Variants in PSG7 observed in about 807,000 individuals in gnomAD.
The protein encoded by PSG7 is pregnancy-specific beta-1-glycoprotein 7.
A neutral mutation model predicts 45.6 loss-of-function variants in PSG7; 57 were observed. The ratio of observed to expected loss-of-function variants is 1.25; its 90% CI spans 1.01 to 1.56. The LOEUF is 1.56. PSG7 is among the 40% of genes most tolerant of loss of function. The probability of loss-of-function intolerance (pLI) is 0.00; values close to 1 mark genes in which losing one functional copy is unlikely to be tolerated. For missense variants in PSG7, 796 were observed against 508.4 expected (o/e 1.57, Z -5.44); for synonymous variants, 298 against 194.4 (o/e 1.53, Z -4.43).
chr19:42,931,703 G>A (rs1207857740), intron 2 of PSG7, among the ~76,000 whole-genome samples: 1 of 151,430 alleles, frequency 6.6e-6, no homozygotes, highest in Non-Finnish European at 1.5e-5. Context: ...GGAAACAGTT[G>A]TATGTGGCAC....
intron 3 of PSG7, 47 bp from the exon 4 acceptor site, chr19:42,926,763 T>C: frequency 6.2e-7 from 1 of 1,601,338 alleles, no homozygotes; most frequent in East Asian, 2.2e-5. Flanking sequence ...CACCTTTGAT[T>C]CCTCCACAGG....
intron 2 of PSG7, among the ~76,000 whole-genome samples, chr19:42,931,658 A>C (rs1317150391): frequency 1.3e-5 from 2 of 151,368 alleles, no homozygotes; most frequent in African/African-American, 4.9e-5. Flanking sequence ...TCCCCACACG[A>C]AGAACTCCAA....
At position 42,935,784 on chromosome 19, in the gene PSG7, G is replaced by C. The variant is rs1489950690; in HGVS notation, c.65-15C>G. The C allele has an allele frequency of 4.4e-6, 7 of 1,602,552 alleles. No homozygotes were observed. The highest frequency in any genetic ancestry group is 5.1e-6 in the Non-Finnish European group (6 of 1,174,682). On this transcript the variant is annotated splice_polypyrimidine_tract_variant and intron_variant, in intron 1 of 5. Transcript: ENST00000406070. ...TAAAAGTGATGCTAGGAGGTGGAGA[G>C]AGCATCAGTCAATATTGAGACCTAT...
rs189774968 is a variant in PSG7 at position 42,935,652 on chromosome 19, T to G, written c.182A>C (p.Asn61Thr). The change falls in exon 2 of 6, where the codon AAT becomes ACT. Residue 61 changes from asparagine (N) to threonine (T), a missense_variant. By Grantham distance (65) the Asn-to-Thr change is moderately conservative (BLOSUM62 0). Coordinates refer to ENST00000406070, the MANE Select transcript of PSG7 (RefSeq NM_002783.3). Reference protein sequence around the residue: ...VLLLVHNLPQNLTGYIWYKGQ... With the variant: ...VLLLVHNLPQTLTGYIWYKGQ... ...TTTGTACCAGATGTAGCCAGTAAGA[T>G]TCTGGGGCAAATTGTGGACAAGTAG... is the stretch of plus-strand genomic sequence containing the variant. The G allele has an allele frequency of 6.8e-6, 11 of 1,611,956 alleles. No homozygotes were observed. Among genetic ancestry groups the G allele is most frequent in the Non-Finnish European group, 8.5e-6 (10 of 1,179,140 alleles).
chr19:42,935,445 C>T lies in PSG7; in HGVS notation c.389G>A (p.Gly130Glu), dbSNP rs782303349. ...GAAACGTCCAGTTACTCCTCCAGTC[C>T]CATCACCTCGCTTTATGATGTGTAA... Reference protein sequence around the residue: ...YTLHIIKRGDGTGGVTGRFTF... With the variant: ...YTLHIIKRGDETGGVTGRFTF... The change falls in exon 2 of 6, where the codon GGG becomes GAG. Residue 130 changes from glycine (G) to glutamate (E), a missense_variant. Physicochemically the swap from Gly to Glu is moderately conservative, Grantham distance 98 (BLOSUM62 -2). Transcript: ENST00000406070. 1 of 1,612,116 alleles carries T rather than the reference C, an allele frequency of 6.2e-7. No homozygotes were observed. Among genetic ancestry groups the T allele is most frequent in the East Asian group, 2.2e-5 (1 of 44,792 alleles).
chr19:42,933,307 A>ATATATATATATTTTT (rs56691588), intron 2 of PSG7, among the ~76,000 whole-genome samples: 4 of 13,506 alleles, frequency 3.0e-4, no homozygotes, highest in Admixed American at 1.6e-3. Flanking sequence ...ATATATATAT[A>ATATATATATATTTTT]TTTTTTTTTT....
In PSG7 at chr19:42,924,827, A is replaced by G. The variant is rs914599653; in HGVS notation, c.1244-3T>C. On this transcript the variant is annotated splice_region_variant and splice_polypyrimidine_tract_variant and intron_variant, in intron 5 of 5. Transcript: ENST00000406070. The stretch of plus-strand genomic sequence containing the variant: ...TAGAATTCAGGGTAATGTCCAGTCT[A>G]CAGTGGATAATAAAAACACAGAAAC... 6.6e-6 allele frequency: 5 copies of G among 753,672 alleles called. No homozygotes were observed. Among genetic ancestry groups the G allele is most frequent in the African/African-American group, 5.5e-5 (3 of 54,328 alleles). 46.7% of individuals were successfully genotyped at this position (753,672 alleles called of 1,614,324 possible).
At chr19:42,926,301 T>C (rs1205341205) in intron 4 of PSG7, 137 bp downstream of exon 4, 2 of 1,514,686 alleles carry the variant, frequency 1.3e-6, no homozygotes, top group Non-Finnish European at 1.8e-6. Flanking sequence ...CAGGGAGTCA[T>C]GGCCAGCTCG....
In PSG7 at chr19:42,925,826, C is replaced by T. The variant is rs573042386; in HGVS notation, c.1190G>A (p.Arg397His). 5.2e-5 allele frequency: 84 copies of T among 1,612,010 alleles called. No individual in the cohort carries two copies. The highest frequency in any genetic ancestry group is 6.7e-5 in the Admixed American group (4 of 59,870). ...GCTTTCCTTGCCAGTGGCTGAGTTA[C>T]GAACAGAGCAAGCATAGAGCCCGCT... Reference protein sequence around the residue: ...KHSGLYACSVRNSATGKESSK... With the variant: ...KHSGLYACSVHNSATGKESSK... Residue 397 changes from arginine (R) to histidine (H), a missense_variant, in exon 5 of 6, where the codon CGT becomes CAT. Physicochemically the swap from Arg to His is conservative, Grantham distance 29. Transcript: ENST00000406070.
Position 42,927,815 on chromosome 19 carries a change from A to G in PSG7, c.710-1099T>C, listed in dbSNP as rs558934657. ...GGGTGGGCAGTTTCTTTTATGCAAG[A>G]TGGGGAGTTTCTAGAGATCTGCTGT... On this transcript the variant is annotated intron_variant, in intron 3 of 5. Transcript: ENST00000406070. Among the ~76,000 whole-genome samples the G allele has an allele frequency of 1.1e-3, 167 of 151,620 alleles. 2 individuals carry two copies. Among genetic ancestry groups the G allele is most frequent in the Non-Finnish European group, 1.9e-3 (128 of 67,882 alleles).
intron 2 of PSG7, among the ~76,000 whole-genome samples, chr19:42,931,660 G>T (rs1973022633): frequency 6.6e-6 from 1 of 151,336 alleles, no homozygotes; most frequent in Non-Finnish European, 1.5e-5. Flanking sequence ...CCCACACGAA[G>T]AACTCCAACT....
At position 42,929,455 on chromosome 19, in the gene PSG7, G is replaced by A. The variant is rs1600566133; in HGVS notation, c.696C>T (p.Thr232=). 2.5e-6 allele frequency: 4 copies of A among 1,612,438 alleles called. No homozygotes were observed. Among genetic ancestry groups the A allele is most frequent in the African/African-American group, 1.3e-5 (1 of 74,822 alleles). ...GAAGATACTCACGGAGGAGATTCAG[G>A]GTGACTGGGTCACTGCGGCTGGCAC... The part of the protein sequence containing the change: ...PVSASRSDPV[T]LNLLPKLPKP... The change falls in exon 3 of 6, where the codon ACC becomes ACT. Residue 232 remains threonine, a synonymous_variant. Coordinates refer to ENST00000406070, the MANE Select transcript of PSG7 (RefSeq NM_002783.3).
chr19:42,934,025 CTTTA>C (rs2122696004), intron 2 of PSG7, among the ~76,000 whole-genome samples: 1 of 151,506 alleles, frequency 6.6e-6, no homozygotes, highest in South Asian at 2.1e-4. Flanking sequence ...CATTCAATTC[CTTTA>C]TTTGTTATGT....
At chr19:42,933,992 A>G (rs1248032094) in intron 2 of PSG7, among the ~76,000 whole-genome samples, 3 of 151,160 alleles carry the variant, frequency 2.0e-5, no homozygotes, top group African/African-American at 7.3e-5. Context: ...GTCTCTAAAG[A>G]GGTTTTGGAT....
At chr19:42,934,659 C>T (rs1013745413) in intron 2 of PSG7, among the ~76,000 whole-genome samples, 5 of 151,732 alleles carry the variant, frequency 3.3e-5, no homozygotes, top group South Asian at 4.2e-4. Context: ...AGCACCTTTA[C>T]GTCAGATCCC....
chr19:42,932,595 A>G (rs1973044293), intron 2 of PSG7, among the ~76,000 whole-genome samples: 1 of 151,478 alleles, frequency 6.6e-6, no homozygotes, highest in Non-Finnish European at 1.5e-5. Context: ...ACAGCAAACT[A>G]GCGTGGCTGA....
rs1293091695 is a variant in PSG7 at position 42,924,664 on chromosome 19, G to C, written c.*144C>G. ...TGTTGAACATTTTGGTGAGTTCTGA[G>C]TGGCTCAGACATCAGGTACAAGGAT... is the stretch of plus-strand genomic sequence containing the variant. On this transcript the variant is annotated 3_prime_UTR_variant, in exon 6 of 6. Coordinates refer to ENST00000406070, the MANE Select transcript of PSG7 (RefSeq NM_002783.3). 1.3e-6 allele frequency: 1 copy of C among 751,512 alleles called. No homozygotes were observed. Among genetic ancestry groups the C allele is most frequent in the Non-Finnish European group, 2.4e-6 (1 of 411,736 alleles). 46.6% of individuals were successfully genotyped at this position (751,512 alleles called of 1,614,324 possible). A position where few individuals can be genotyped will look rare whatever the true frequency, so the allele number is the denominator to read the frequency against.
At position 42,924,689 on chromosome 19, in the gene PSG7, T is replaced by G; in HGVS notation, c.*119A>C. On this transcript the variant is annotated 3_prime_UTR_variant, in exon 6 of 6. Transcript: ENST00000406070. ...GTGGCTCAGACATCAGGTACAAGGA[T>G]TTTCCCATGAAATTTACATTGAGTT... The G allele has an allele frequency of 1.3e-6, 1 of 763,764 alleles. No homozygotes were observed. Among genetic ancestry groups the G allele is most frequent in the South Asian group, 1.4e-5 (1 of 73,616 alleles). 47.3% of individuals were successfully genotyped at this position (763,764 alleles called of 1,614,324 possible).
chr19:42,932,510 C>A (rs995643257), intron 2 of PSG7, among the ~76,000 whole-genome samples: 1 of 151,258 alleles, frequency 6.6e-6, no homozygotes, highest in African/African-American at 2.4e-5. Context: ...GTGAAATGAG[C>A]CCATGGGCTT....
Sources: allele counts gnomAD v4.1 joint callset (sites outside exome capture counted in the v4.1 genomes callset), GRCh38; gene constraint gnomAD v4.1.1; transcripts MANE v1.5; gene names NCBI Gene and HGNC (gene_info 2026-07-23, HGNC 2026-07-21).